CSNK1D: variants seen among roughly 807,000 people sequenced by gnomAD.
CSNK1D encodes the protein casein kinase I isoform delta.
CSNK1D carries 16 observed loss-of-function variants against 46.6 expected under a neutral mutation model. That is an observed-to-expected ratio of 0.34 (90% CI 0.23 to 0.52). The LOEUF is 0.52. Ranked by LOEUF, CSNK1D falls within the 20% of genes least tolerant of loss-of-function variation. The probability of loss-of-function intolerance (pLI) is 0.95; values close to 1 mark genes in which losing one functional copy is unlikely to be tolerated. For synonymous variants in CSNK1D, 276 were observed against 228.2 expected (o/e 1.21, Z -1.89); for missense variants, 398 against 578.4 (o/e 0.69, Z 3.20).
At chr17:82,262,678 T>A (rs1303008446) in intron 2 of CSNK1D, among the ~76,000 whole-genome samples, 1 of 152,086 alleles carries the variant, frequency 6.6e-6, no homozygotes. Flanking sequence ...CAGGACAATC[T>A]GCACAAGGGG....
intron 8 of CSNK1D, chr17:82,246,148 C>T (rs940947140): frequency 9.1e-6 from 14 of 1,545,800 alleles, no homozygotes; most frequent in East Asian, 4.9e-5. Flanking sequence ...GTCCACAGAC[C>T]GACAGGTGCC....
At chr17:82,246,332 T>C in intron 8 of CSNK1D, 1 of 1,315,630 alleles carries the variant, frequency 7.6e-7, no homozygotes, top group Non-Finnish European at 9.8e-7. Context: ...CCCAGCAGGA[T>C]GGCAGGTGCT....
Position 82,273,551 on chromosome 17 carries a change from A to C in CSNK1D, c.-170T>G. On this transcript the variant is annotated 5_prime_UTR_variant, in exon 1 of 9. Transcript: ENST00000314028. This position sits in a 1 kb window ranked among gnomAD's most constrained non-coding sequence, Gnocchi z 5.1. ...TCGCCCCGCCGCTCCCAGCGCCTCA[A>C]TACGGGGCGGATGGGACAGTCCGAG... 5 of 805,308 alleles carry C rather than the reference A, an allele frequency of 6.2e-6. No individual in the cohort carries two copies. Among genetic ancestry groups the C allele is most frequent in the Non-Finnish European group, 5.9e-6 (3 of 509,026 alleles). 49.9% of individuals were successfully genotyped at this position (805,308 alleles called of 1,614,324 possible). A position where few individuals can be genotyped will look rare whatever the true frequency, so the allele number is the denominator to read the frequency against.
intron 2 of CSNK1D, among the ~76,000 whole-genome samples, chr17:82,262,594 T>C (rs2147206236): frequency 6.6e-6 from 1 of 152,282 alleles, no homozygotes; most frequent in Middle Eastern, 3.4e-3. Flanking sequence ...CTGCCCTTTT[T>C]TTCAGAGATA....
rs758580020 is a variant in CSNK1D at position 82,258,351 on chromosome 17, A to T, written c.188-2774T>A. On this transcript the variant is annotated intron_variant, in intron 2 of 8. Transcript: ENST00000314028. ...GAACATATGTGTATATATATATATT[A>T]TATATATGCAAATACACATCTACTT... Among the ~76,000 whole-genome samples the T allele has an allele frequency of 1.8e-3, 274 of 150,996 alleles. 1 individual carries two copies. The highest frequency in any genetic ancestry group is 4.3e-3 in the Admixed American group (65 of 15,092).
At chr17:82,270,120 T>G (rs1224424031) in intron 1 of CSNK1D, among the ~76,000 whole-genome samples, 1 of 152,238 alleles carries the variant, frequency 6.6e-6, no homozygotes, top group African/African-American at 2.4e-5. Flanking sequence ...AATCTCAGAC[T>G]GAAGACAGAT....
At chr17:82,253,335 T>C in intron 3 of CSNK1D, 91 bp from the exon 4 acceptor site, 1 of 1,005,140 alleles carries the variant, frequency 9.9e-7, no homozygotes, top group Non-Finnish European at 1.6e-6. Context: ...GTGGCTGCAT[T>C]GTTCCTGCCC....
At position 82,248,294 on chromosome 17, in the gene CSNK1D, G is replaced by A. The variant is rs569186129; in HGVS notation, c.1197+581C>T. 12 of 987,596 alleles carry A rather than the reference G, an allele frequency of 1.2e-5. No individual in the cohort carries two copies. The East Asian group carries it at 3.4e-4, about 28-fold the overall frequency. The allele number at this position is 987,596 out of a possible 1,614,324, so 61.2% of individuals were successfully genotyped here. On this transcript the variant is annotated intron_variant, in intron 8 of 8. Coordinates refer to ENST00000314028, the MANE Select transcript of CSNK1D (RefSeq NM_001893.6). The surrounding 1 kb of genome is among the most constrained non-coding windows in gnomAD (Gnocchi z 4.1). The stretch of plus-strand genomic sequence containing the variant: ...AGCCAGAGCGAGGAGAGGAGAGACC[G>A]CTGCAGGATGCTGAAGAGGCGGTGG...
At position 82,252,480 on chromosome 17, in the gene CSNK1D, C is replaced by T. The variant is rs932829376; in HGVS notation, c.690G>A (p.Glu230=). The T allele has an allele frequency of 1.9e-6, 3 of 1,614,034 alleles. No homozygotes were observed. The highest frequency in any genetic ancestry group is 2.7e-5 in the African/African-American group (2 of 74,932). The change falls in exon 5 of 9, where the codon GAG becomes GAA. Residue 230 remains glutamate, a synonymous_variant. Coordinates refer to ENST00000314028, the MANE Select transcript of CSNK1D (RefSeq NM_001893.6). The surrounding 1 kb of genome is among the most constrained non-coding windows in gnomAD (Gnocchi z 4.6). ...CTTCGATGGGGGTGGACATTTTCTT[C>T]TCGCTAATCCTTTCGTATTTCTGTC... is the stretch of plus-strand genomic sequence containing the variant. ...TKRQKYERIS[E]KKMSTPIEVL... is the part of the protein sequence containing the mutation.
upstream of CSNK1D, chr17:82,273,732 GGGGCCGCGGCGCTCCAGGGGCGGGGCC>G (rs1318629869): frequency 1.0e-5 from 5 of 488,282 alleles, no homozygotes; most frequent in Non-Finnish European, 1.8e-5. The surrounding 1 kb of genome is among the most constrained non-coding windows in gnomAD (Gnocchi z 5.1). Flanking sequence ...CCGGCGGGGC[GGGGCCGCGGCGCTCCAGGGGCGGGGCC>G]GGGCGGGGCG....
chr17:82,247,056 G>T, intron 8 of CSNK1D: 2 of 985,494 alleles, frequency 2.0e-6, no homozygotes, highest in Non-Finnish European at 2.4e-6. Context: ...GCCCGCCCTG[G>T]AGGTGGGGAG....
Position 82,242,889 on chromosome 17 carries a change from G to C in CSNK1D, c.*1892C>G, listed in dbSNP as rs753812982. 3.0e-6 allele frequency: 3 copies of C among 985,328 alleles called. No homozygotes were observed. The highest frequency in any genetic ancestry group is 3.6e-6 in the Non-Finnish European group (3 of 829,946). The allele number at this position is 985,328 out of a possible 1,614,324, so 61.0% of individuals were successfully genotyped here. Reference sequence around the variant, plus strand: ...GCGAGGCTCGGGCTGGAACCCGGGCGCAGAGCTGCCTCGCACAAACGTTCT... The same window carrying C: ...GCGAGGCTCGGGCTGGAACCCGGGCCCAGAGCTGCCTCGCACAAACGTTCT... On this transcript the variant is annotated 3_prime_UTR_variant, in exon 9 of 9. Coordinates refer to ENST00000314028, the MANE Select transcript of CSNK1D (RefSeq NM_001893.6).
At position 82,253,307 on chromosome 17, in the gene CSNK1D, C is replaced by T. The variant is rs552798817; in HGVS notation, c.337-63G>A. 1,060 of 1,209,046 alleles carry T rather than the reference C, an allele frequency of 8.8e-4. 4 individuals are homozygous for T. Among genetic ancestry groups the T allele is most frequent in the Middle Eastern group, 1.9e-3 (10 of 5,326 alleles). The allele number at this position is 1,209,046 out of a possible 1,614,324, so 74.9% of individuals were successfully genotyped here. Reference sequence around the variant, plus strand: ...GCAGTCTCAGGGAGGGACCGCTCAACTGTGGGACACTACATCAGTGGCTGC... The same window carrying T: ...GCAGTCTCAGGGAGGGACCGCTCAATTGTGGGACACTACATCAGTGGCTGC... On this transcript the variant is annotated intron_variant, in intron 3 of 8. Transcript: ENST00000314028.
Position 82,252,960 on chromosome 17 carries a change from G to A in CSNK1D, c.565+56C>T. 1.3e-6 allele frequency: 2 copies of A among 1,500,694 alleles called. No homozygotes were observed. The highest frequency in any genetic ancestry group is 1.9e-6 in the Non-Finnish European group (2 of 1,080,918). The allele number at this position is 1,500,694 out of a possible 1,614,324, so 93.0% of individuals were successfully genotyped here. On this transcript the variant is annotated intron_variant, in intron 4 of 8. Coordinates refer to ENST00000314028, the MANE Select transcript of CSNK1D (RefSeq NM_001893.6). This position sits in a 1 kb window ranked among gnomAD's most constrained non-coding sequence, Gnocchi z 4.6. ...AGAGGCTGGCCTCTCCCTGGGCTGA[G>A]GCATGGACGCGCCCAAAGGCACCCC...
chr17:82,245,971 C>G, intron 8 of CSNK1D: 2 of 1,601,292 alleles, frequency 1.2e-6, no homozygotes, highest in Non-Finnish European at 1.7e-6. Context: ...CACGCGCACA[C>G]TCACCCAGTG....
Position 82,244,256 on chromosome 17 carries a change from G to T in CSNK1D, c.*525C>A. The stretch of plus-strand genomic sequence containing the variant: ...ATCCACCTGCACCTTCTCCCTGCCC[G>T]ACTCCACCTCATACACTAACTCCAA... On this transcript the variant is annotated 3_prime_UTR_variant, in exon 9 of 9. Coordinates refer to ENST00000314028, the MANE Select transcript of CSNK1D (RefSeq NM_001893.6). The T allele has an allele frequency of 9.3e-7, 1 of 1,078,152 alleles. No homozygotes were observed. The highest frequency in any genetic ancestry group is 1.1e-6 in the Non-Finnish European group (1 of 883,828). 66.8% of individuals were successfully genotyped at this position (1,078,152 alleles called of 1,614,324 possible). A position where few individuals can be genotyped will look rare whatever the true frequency, so the allele number is the denominator to read the frequency against.
chr17:82,251,465 A>G lies in CSNK1D; in HGVS notation c.799T>C (p.Ser267Pro), dbSNP rs2051006654. 1 of 1,614,162 alleles carries G rather than the reference A, an allele frequency of 6.2e-7. No individual in the cohort carries two copies. The highest frequency in any genetic ancestry group is 8.5e-7 in the Non-Finnish European group (1 of 1,180,018). ...TTCCGGAAAAGCTGCCGCAGGTACG[A>G]GTAGTCAGGCTTGTCGTCAAAACGC... ...SLRFDDKPDY[S>P]YLRQLFRNLF... Residue 267 changes from serine (S) to proline (P), a missense_variant, in exon 6 of 9, where the codon TCG becomes CCG. By Grantham distance (74) the Ser-to-Pro change is moderately conservative. Coordinates refer to ENST00000314028, the MANE Select transcript of CSNK1D (RefSeq NM_001893.6). The surrounding 1 kb of genome is among the most constrained non-coding windows in gnomAD (Gnocchi z 4.5).
intron 3 of CSNK1D, chr17:82,254,485 C>T (rs995563580): frequency 6.1e-5 from 15 of 247,084 alleles, no homozygotes; most frequent in Non-Finnish European, 6.0e-5. Flanking sequence ...TGCGCTGAGC[C>T]GCCGGAGCCT....
Position 82,244,468 on chromosome 17 carries a change from G to C in CSNK1D, c.*313C>G. 1.5e-6 allele frequency: 2 copies of C among 1,362,092 alleles called. No homozygotes were observed. The highest frequency in any genetic ancestry group is 1.9e-6 in the Non-Finnish European group (2 of 1,052,684). The allele number at this position is 1,362,092 out of a possible 1,614,324, so 84.4% of individuals were successfully genotyped here. The stretch of plus-strand genomic sequence containing the variant: ...CAGTGGAATCGTCAGGGAGTACAGG[G>C]CGGCCACCACTGGAGGGAGCTGAGG... On this transcript the variant is annotated 3_prime_UTR_variant, in exon 9 of 9. Coordinates refer to ENST00000314028, the MANE Select transcript of CSNK1D (RefSeq NM_001893.6).
Sources: allele counts gnomAD v4.1 joint callset (sites outside exome capture counted in the v4.1 genomes callset), GRCh38; gene constraint gnomAD v4.1.1; non-coding constraint Gnocchi (gnomAD v3.1); transcripts MANE v1.5; gene names NCBI Gene and HGNC (gene_info 2026-07-23, HGNC 2026-07-21).